The following DRC8 variants were observed in gnomAD, a reference collection of about 807,000 sequenced individuals.
DRC8 encodes the protein dynein regulatory complex subunit 8, also known as dynein regulatory complex protein 8.
At chr1:245,002,213 G>A in the DRC8 span, 1 of 1,608,678 alleles carries the variant, frequency 6.2e-7, no homozygotes, top group Admixed American at 1.7e-5. Flanking sequence ...ACACAATGAC[G>A]GTGTTATGGG....
the DRC8 span, among the ~76,000 whole-genome samples, chr1:245,075,860 G>T: frequency 6.6e-6 from 1 of 152,174 alleles, no homozygotes; most frequent in African/African-American, 2.4e-5. Context: ...TCTGTCTTTT[G>T]AAGGGAGGGA....
the DRC8 span, among the ~76,000 whole-genome samples, chr1:245,075,104 AT>A: frequency 1.3e-5 from 2 of 152,160 alleles, no homozygotes; most frequent in African/African-American, 4.8e-5. Context: ...GGAGAAAGGA[AT>A]TTTCACGGTG....
the DRC8 span, among the ~76,000 whole-genome samples, chr1:245,080,962 C>T: frequency 6.6e-6 from 1 of 152,106 alleles, no homozygotes; most frequent in Non-Finnish European, 1.5e-5. Flanking sequence ...AGAGAGTCTT[C>T]GCGTATTCAG....
the DRC8 span, among the ~76,000 whole-genome samples, chr1:244,992,339 G>A: frequency 6.6e-6 from 1 of 152,232 alleles, no homozygotes; most frequent in South Asian, 2.1e-4. Flanking sequence ...TTCAAACCTT[G>A]AATTCTTTAT....
At chr1:244,979,759 G>T in the DRC8 span, among the ~76,000 whole-genome samples, 1 of 152,056 alleles carries the variant, frequency 6.6e-6, no homozygotes, top group East Asian at 1.9e-4. Context: ...TATCTTGAAG[G>T]TGTAATAGCA....
chr1:245,018,245 A>AG, the DRC8 span, among the ~76,000 whole-genome samples: 1 of 151,728 alleles, frequency 6.6e-6, no homozygotes, highest in African/African-American at 2.4e-5. Flanking sequence ...AAAAAAAAAA[A>AG]AAGGCAATGA....
chr1:245,062,552 G>A, the DRC8 span, among the ~76,000 whole-genome samples: 1 of 152,132 alleles, frequency 6.6e-6, no homozygotes, highest in Admixed American at 6.6e-5. Flanking sequence ...TATGTCTTCT[G>A]AAGTTCCAAC....
At chr1:245,106,557 G>A in the DRC8 span, among the ~76,000 whole-genome samples, 1 of 151,808 alleles carries the variant, frequency 6.6e-6, no homozygotes, top group African/African-American at 2.4e-5. Flanking sequence ...TAAGAAAAAT[G>A]TTCACACAAC....
the DRC8 span, among the ~76,000 whole-genome samples, chr1:245,110,410 CAAAACAAAG>C: frequency 1.3e-5 from 2 of 150,644 alleles, no homozygotes; most frequent in Non-Finnish European, 2.9e-5. Flanking sequence ...CAAAACAAAA[CAAAACAAAG>C]AATTAAGTTG....
At chr1:245,055,030 G>A in the DRC8 span, among the ~76,000 whole-genome samples, 6 of 152,194 alleles carry the variant, frequency 3.9e-5, no homozygotes, top group Non-Finnish European at 7.3e-5. Context: ...CACAGAAAGG[G>A]AACAGAGCTT....
At chr1:245,097,376 G>A in the DRC8 span, among the ~76,000 whole-genome samples, 2 of 152,004 alleles carry the variant, frequency 1.3e-5, no homozygotes, top group African/African-American at 4.8e-5. This position sits in a 1 kb window ranked among gnomAD's most constrained non-coding sequence, Gnocchi z 5.0. Flanking sequence ...AAATTAGCTG[G>A]GCATGGTGGC....
the DRC8 span, chr1:244,969,901 G>A: frequency 2.2e-6 from 1 of 458,388 alleles, no homozygotes; most frequent in Non-Finnish European, 3.8e-6. Context: ...AGCGGGAGGA[G>A]GAGGCCGGGC....
At chr1:245,042,285 G>GT in the DRC8 span, among the ~76,000 whole-genome samples, 1 of 152,196 alleles carries the variant, frequency 6.6e-6, no homozygotes, top group Non-Finnish European at 1.5e-5. Flanking sequence ...GAGATCCAGA[G>GT]TTTTTTAGGG....
At chr1:245,037,357 T>C in the DRC8 span, among the ~76,000 whole-genome samples, 1 of 152,184 alleles carries the variant, frequency 6.6e-6, no homozygotes, top group Admixed American at 6.5e-5. Flanking sequence ...ATGTAATTCA[T>C]CATATAAACA....
At chr1:245,113,490 A>G in the DRC8 span, among the ~76,000 whole-genome samples, 2 of 152,174 alleles carry the variant, frequency 1.3e-5, no homozygotes, top group African/African-American at 4.8e-5. Flanking sequence ...ACTGCGAGAA[A>G]CAGAAAAGTT....
the DRC8 span, among the ~76,000 whole-genome samples, chr1:245,108,672 T>C: frequency 2.0e-5 from 3 of 151,914 alleles, no homozygotes; most frequent in Admixed American, 2.0e-4. Flanking sequence ...TGCAGCAGAG[T>C]CTATTCCTCC....
chr1:245,043,365 G>A, the DRC8 span, among the ~76,000 whole-genome samples: 5 of 151,896 alleles, frequency 3.3e-5, no homozygotes, highest in Non-Finnish European at 2.9e-5. Context: ...CCTGGGAAGC[G>A]GAGGTTGCAG....
At chr1:245,120,729 G>A in the DRC8 span, among the ~76,000 whole-genome samples, 1 of 152,356 alleles carries the variant, frequency 6.6e-6, no homozygotes, top group Non-Finnish European at 1.5e-5. Context: ...TTTAGATACA[G>A]AGACACCTGT....
chr1:245,043,445 A>G, the DRC8 span, among the ~76,000 whole-genome samples: 14 of 151,972 alleles, frequency 9.2e-5, no homozygotes, highest in East Asian at 7.7e-4. Flanking sequence ...AGGAAAAAAA[A>G]AAAGAAAGAA....
Sources: gnomAD v4.1 joint callset for allele counts (sites outside exome capture counted in the v4.1 genomes callset) on GRCh38, gnomAD v4.1.1 for gene constraint, Gnocchi (gnomAD v3.1) non-coding constraint, MANE v1.5 for transcripts, NCBI Gene and HGNC (gene_info 2026-07-23, HGNC 2026-07-21) for gene names.